TPRG1: variants seen among roughly 807,000 people sequenced by gnomAD.
The protein encoded by TPRG1 is tumor protein p63-regulated gene 1 protein.
TPRG1 carries 29 observed loss-of-function variants against 29.3 expected under a neutral mutation model. The ratio of observed to expected loss-of-function variants is 0.99; its 90% CI spans 0.74 to 1.35. TPRG1 has a LOEUF of 1.35. TPRG1 is among the 40% of genes most tolerant of loss of function. TPRG1 has a pLI of 0.00. For synonymous variants in TPRG1, 130 were observed against 116.8 expected, an observed-to-expected ratio of 1.11 and a Z score of -0.73; for missense variants, 327 against 335.0, an observed-to-expected ratio of 0.98 and a Z score of 0.19.
At chr3:189,312,301 A>C (rs374535630) in intron 5 of TPRG1, among the ~76,000 whole-genome samples, 70 of 151,206 alleles carry the variant, frequency 4.6e-4, no homozygotes, top group Admixed American at 2.0e-3. Flanking sequence ...TCCCGGGTTC[A>C]CATCATTCTC....
chr3:189,179,080 T>G (rs1578686313), intron 1 of TPRG1, among the ~76,000 whole-genome samples: 1 of 152,216 alleles, frequency 6.6e-6, no homozygotes, highest in African/African-American at 2.4e-5. Context: ...GGTTCTCACA[T>G]TAATGTCTTC....
At chr3:189,083,512 C>A (rs1002450787) in intron 4 of TPRG1, among the ~76,000 whole-genome samples, 3 of 152,196 alleles carry the variant, frequency 2.0e-5, no homozygotes, top group African/African-American at 4.8e-5. Flanking sequence ...AATTTTAATA[C>A]CAGCTTTGTC....
At chr3:189,257,199 A>T (rs186831773) in intron 4 of TPRG1, among the ~76,000 whole-genome samples, 1 of 152,224 alleles carries the variant, frequency 6.6e-6, no homozygotes, top group East Asian at 1.9e-4. Context: ...AGGCAGTTCT[A>T]GTGGTGACAA....
chr3:189,278,136 C>A (rs1192016869), intron 4 of TPRG1, among the ~76,000 whole-genome samples: 1 of 152,192 alleles, frequency 6.6e-6, no homozygotes, highest in Non-Finnish European at 1.5e-5. Context: ...CTTCCACATG[C>A]CCTTTGTTGC....
intron 1 of TPRG1, among the ~76,000 whole-genome samples, chr3:189,125,839 G>C (rs1327817764): frequency 3.3e-5 from 5 of 149,938 alleles, no homozygotes; most frequent in Admixed American, 2.7e-4. Flanking sequence ...GTGTGTGTGT[G>C]TGTGTGTGTG....
chr3:189,301,919 C>T (rs1297019799), intron 4 of TPRG1, among the ~76,000 whole-genome samples: 1 of 152,194 alleles, frequency 6.6e-6, no homozygotes, highest in Non-Finnish European at 1.5e-5. Context: ...TTAATCACAG[C>T]ACCCTCCCCT....
At chr3:189,125,816 TG>T (rs1722396770) in intron 1 of TPRG1, among the ~76,000 whole-genome samples, 9 of 16,360 alleles carry the variant, frequency 5.5e-4, no homozygotes, top group African/African-American at 3.6e-3. Context: ...GGGTGTTTTG[TG>T]TGTGTGTGTG....
intron 4 of TPRG1, among the ~76,000 whole-genome samples, chr3:189,037,018 A>G (rs1420784269): frequency 1.5e-5 from 2 of 133,276 alleles, no homozygotes; most frequent in Non-Finnish European, 3.2e-5. Context: ...CAAATGATTT[A>G]TAAGTGACTT....
intron 4 of TPRG1, among the ~76,000 whole-genome samples, chr3:189,290,358 C>T (rs1457607205): frequency 1.3e-5 from 2 of 152,188 alleles, no homozygotes; most frequent in African/African-American, 4.8e-5. Flanking sequence ...TCCCAACACT[C>T]ACACACTCAT....
At chr3:189,274,402 C>G (rs1052492090) in intron 4 of TPRG1, among the ~76,000 whole-genome samples, 1 of 151,956 alleles carries the variant, frequency 6.6e-6, no homozygotes, top group Non-Finnish European at 1.5e-5. Flanking sequence ...GCCGTTTGTT[C>G]AGCCTGTTTG....
chr3:189,042,728 A>G (rs1714710473), intron 4 of TPRG1, among the ~76,000 whole-genome samples: 2 of 152,122 alleles, frequency 1.3e-5, no homozygotes, highest in African/African-American at 4.8e-5. Context: ...AGTATGCTAC[A>G]CAATGGAAAG....
intron 4 of TPRG1, among the ~76,000 whole-genome samples, chr3:189,280,661 A>G (rs1222290342): frequency 6.6e-6 from 1 of 152,186 alleles, no homozygotes; most frequent in East Asian, 1.9e-4. Flanking sequence ...CATAACAGAA[A>G]GAACACAGGA....
At chr3:189,154,046 A>T (rs984309434) in intron 5 of TPRG1, among the ~76,000 whole-genome samples, 3 of 152,208 alleles carry the variant, frequency 2.0e-5, no homozygotes, top group African/African-American at 7.2e-5. Context: ...CAATTGGCCA[A>T]ATGTAGAGCA....
At chr3:189,017,492 T>G (rs1713010337) in intron 3 of TPRG1, among the ~76,000 whole-genome samples, 1 of 152,190 alleles carries the variant, frequency 6.6e-6, no homozygotes, top group Non-Finnish European at 1.5e-5. Context: ...TGGTTTTTTG[T>G]TCTTGTGATA....
At chr3:189,005,088 T>C (rs1180456966) in intron 3 of TPRG1, among the ~76,000 whole-genome samples, 1 of 152,044 alleles carries the variant, frequency 6.6e-6, no homozygotes, top group Non-Finnish European at 1.5e-5. Context: ...AGTAGAAGAA[T>C]GATTACCAGA....
chr3:189,028,486 G>T (rs952022109), intron 4 of TPRG1, among the ~76,000 whole-genome samples: 10 of 152,244 alleles, frequency 6.6e-5, no homozygotes, highest in African/African-American at 2.4e-4. Flanking sequence ...AGACAAAGAG[G>T]AATTAGGATC....
chr3:189,237,000 T>C (rs1360611173), intron 3 of TPRG1, among the ~76,000 whole-genome samples: 28 of 152,140 alleles, frequency 1.8e-4, no homozygotes, highest in Admixed American at 1.8e-3. Context: ...TTTAATCTTC[T>C]CCCCAAATGG....
At chr3:189,314,303 G>C (rs950110466) in intron 5 of TPRG1, among the ~76,000 whole-genome samples, 2 of 152,272 alleles carry the variant, frequency 1.3e-5, no homozygotes, top group East Asian at 3.9e-4. Context: ...ATATAGGTTT[G>C]AGATTACACA....
intron 4 of TPRG1, among the ~76,000 whole-genome samples, chr3:189,043,192 C>A (rs1038446924): frequency 1.3e-5 from 2 of 152,184 alleles, no homozygotes; most frequent in African/African-American, 2.4e-5. Flanking sequence ...ATCTAAACCA[C>A]AAAATATTGG....
Sources: gnomAD v4.1 joint callset for allele counts (sites outside exome capture counted in the v4.1 genomes callset) on GRCh38, gnomAD v4.1.1 for gene constraint, MANE v1.5 for transcripts, NCBI Gene and HGNC (gene_info 2026-07-23, HGNC 2026-07-21) for gene names.